PARD3B: variants seen among roughly 807,000 people sequenced by gnomAD.
PARD3B encodes the protein par-3 family cell polarity regulator beta.
A neutral mutation model predicts 130.2 loss-of-function variants in PARD3B; 103 were observed. The observed-to-expected ratio is 0.79, with a 90% CI of 0.67 to 0.93. The LOEUF (loss-of-function observed/expected upper bound fraction) is 0.93, where lower values mean the gene tolerates loss of function less well. Among genes scored for constraint, PARD3B ranks in the 40% least tolerant of loss-of-function variants. PARD3B has a pLI of 0.00. For synonymous variants in PARD3B, 583 were observed against 553.2 expected (o/e 1.05, Z -0.76); for missense variants, 1,609 against 1,499.2 (o/e 1.07, Z -1.21).
intron 18 of PARD3B, among the ~76,000 whole-genome samples, chr2:205,319,507 T>C (rs2042676257): frequency 6.6e-6 from 1 of 152,256 alleles, no homozygotes; most frequent in South Asian, 2.1e-4. Context: ...CTTACTGCTA[T>C]GGTCTGTGTA....
intron 20 of PARD3B, among the ~76,000 whole-genome samples, chr2:205,457,244 T>G (rs1368580788): frequency 6.6e-6 from 1 of 152,056 alleles, no homozygotes; most frequent in African/African-American, 2.4e-5. Context: ...TTGGTCCATT[T>G]TAAGTTATCA....
chr2:205,037,622 T>A (rs1200026804), intron 3 of PARD3B, among the ~76,000 whole-genome samples: 1 of 148,594 alleles, frequency 6.7e-6, no homozygotes, highest in African/African-American at 2.4e-5. Context: ...ATTTTATATA[T>A]AGTCGACTGT....
In PARD3B at chr2:204,727,567, C is replaced by G. The variant is rs149162657; in HGVS notation, c.222+41285C>G. ...ATTTCTCATAAAGAGTTGTGGCCTGCAGGTGGCCATCCTGGCAGGCTGGAA... is the reference window on the plus strand; with the variant it reads ...ATTTCTCATAAAGAGTTGTGGCCTGGAGGTGGCCATCCTGGCAGGCTGGAA... On this transcript the variant is annotated intron_variant, in intron 2 of 22. Coordinates refer to ENST00000406610, the MANE Select transcript of PARD3B (RefSeq NM_001302769.2). Among the ~76,000 whole-genome samples, 251 of 152,236 alleles carry G rather than the reference C, an allele frequency of 1.6e-3. 1 individual carries two copies. The highest frequency in any genetic ancestry group is 5.6e-3 in the African/African-American group (231 of 41,558).
chr2:205,557,177 G>A (rs2052927817), intron 22 of PARD3B, among the ~76,000 whole-genome samples: 1 of 152,166 alleles, frequency 6.6e-6, no homozygotes, highest in Non-Finnish European at 1.5e-5. Flanking sequence ...TGCGTGGGCG[G>A]CAAAAGGTTG....
In PARD3B at chr2:205,525,871, C is replaced by T. The variant is rs1489710995; in HGVS notation, c.3180+25840C>T. Among the ~76,000 whole-genome samples the T allele has an allele frequency of 7.2e-5, 11 of 152,164 alleles. No individual in the cohort carries two copies. Among genetic ancestry groups the T allele is most frequent in the Non-Finnish European group, 1.5e-4 (10 of 68,032 alleles). On this transcript the variant is annotated intron_variant, in intron 21 of 22. Transcript: ENST00000406610. The surrounding 1 kb of genome is among the most constrained non-coding windows in gnomAD (Gnocchi z 4.2). The stretch of plus-strand genomic sequence containing the variant: ...ATGGGTCCACGTTGTGTACCCAGTC[C>T]CGGGAAGGTGCAAGAAAATCTGATC...
chr2:205,030,546 A>G (rs957531244), intron 3 of PARD3B, among the ~76,000 whole-genome samples: 2 of 152,114 alleles, frequency 1.3e-5, no homozygotes, highest in South Asian at 2.1e-4. Flanking sequence ...TCTTCTGCCA[A>G]TATGTTGACA....
At chr2:205,193,363 C>T in intron 15 of PARD3B, 43 bp downstream of exon 15, 1 of 1,421,776 alleles carries the variant, frequency 7.0e-7, no homozygotes, top group South Asian at 1.2e-5. Flanking sequence ...TCTCCAGCCT[C>T]AGCCCATTTA....
intron 2 of PARD3B, among the ~76,000 whole-genome samples, chr2:204,735,241 A>G (rs1179317564): frequency 6.6e-6 from 1 of 152,106 alleles, no homozygotes; most frequent in Admixed American, 6.6e-5. Context: ...ATTGCTAGCA[A>G]TGAACAACCT....
intron 4 of PARD3B, among the ~76,000 whole-genome samples, chr2:205,099,931 T>G (rs1244465728): frequency 6.6e-6 from 1 of 152,166 alleles, no homozygotes; most frequent in Non-Finnish European, 1.5e-5. Context: ...TGTGTATTCT[T>G]TTTAAAGTCT....
chr2:204,683,279 T>TA, intron 1 of PARD3B, among the ~76,000 whole-genome samples: 2 of 152,324 alleles, frequency 1.3e-5, no homozygotes, highest in Admixed American at 1.3e-4. Context: ...GTACCACAGT[T>TA]ACTTGTGCAA....
chr2:205,083,173 C>A (rs981160515), intron 4 of PARD3B, among the ~76,000 whole-genome samples: 3 of 151,944 alleles, frequency 2.0e-5, no homozygotes, highest in African/African-American at 7.3e-5. Flanking sequence ...CCCATCTTGG[C>A]CTCGCAAAGT....
At chr2:204,921,652 G>A (rs558272978) in intron 2 of PARD3B, among the ~76,000 whole-genome samples, 67 of 152,224 alleles carry the variant, frequency 4.4e-4, no homozygotes, top group Non-Finnish European at 7.4e-4. Flanking sequence ...CATTTCAGGA[G>A]CATGTGAGAG....
At chr2:205,156,580 G>A (rs1488614467) in intron 10 of PARD3B, among the ~76,000 whole-genome samples, 4 of 151,504 alleles carry the variant, frequency 2.6e-5, no homozygotes, top group Non-Finnish European at 5.9e-5. Context: ...GAACCACACT[G>A]TGCTTGAGCC....
intron 18 of PARD3B, among the ~76,000 whole-genome samples, chr2:205,311,102 T>C (rs2042371847): frequency 6.6e-6 from 1 of 152,228 alleles, no homozygotes; most frequent in African/African-American, 2.4e-5. Flanking sequence ...GTTGATTCCA[T>C]GTCTTGGCTG....
chr2:205,255,873 T>C (rs2040061825), intron 16 of PARD3B, among the ~76,000 whole-genome samples: 1 of 152,034 alleles, frequency 6.6e-6, no homozygotes, highest in Admixed American at 6.6e-5. Flanking sequence ...CTTCCGTAAG[T>C]AGGTAGGATT....
At chr2:205,443,463 G>T (rs1475938181) in intron 20 of PARD3B, among the ~76,000 whole-genome samples, 1 of 152,134 alleles carries the variant, frequency 6.6e-6, no homozygotes, top group East Asian at 1.9e-4. Context: ...GTGAATAGAG[G>T]ACCAACACAT....
chr2:204,919,257 A>G (rs2125745751), intron 2 of PARD3B, among the ~76,000 whole-genome samples: 1 of 152,332 alleles, frequency 6.6e-6, no homozygotes, highest in East Asian at 1.9e-4. Context: ...AGATCTTTAT[A>G]AAGTAAAATT....
intron 10 of PARD3B, among the ~76,000 whole-genome samples, chr2:205,143,286 A>C (rs777598103): frequency 2.0e-5 from 3 of 152,188 alleles, no homozygotes; most frequent in Admixed American, 6.5e-5. Flanking sequence ...TGGTGCTTCG[A>C]TGAGTCTTTC....
At chr2:204,935,005 G>A (rs369467873) in intron 2 of PARD3B, among the ~76,000 whole-genome samples, 13 of 152,182 alleles carry the variant, frequency 8.5e-5, no homozygotes, top group African/African-American at 2.9e-4. Flanking sequence ...CTGCCCTCAT[G>A]CCCTCATTTA....
Sources: gnomAD v4.1 joint callset for allele counts (sites outside exome capture counted in the v4.1 genomes callset) on GRCh38, gnomAD v4.1.1 for gene constraint, Gnocchi (gnomAD v3.1) non-coding constraint, MANE v1.5 for transcripts, NCBI Gene and HGNC (gene_info 2026-07-23, HGNC 2026-07-21) for gene names.